Variants in TOX3 observed in about 807,000 individuals in gnomAD.
The protein encoded by TOX3 is CAG trinucleotide repeat-containing gene F9 protein.
TOX3 carries 22 observed loss-of-function variants against 64.3 expected under a neutral mutation model. The ratio of observed to expected loss-of-function variants is 0.34; its 90% CI spans 0.24 to 0.49. The LOEUF is 0.49. Ranked by LOEUF, TOX3 falls within the 20% of genes least tolerant of loss-of-function variation. The probability of loss-of-function intolerance (pLI) is 0.99; values close to 1 mark genes in which losing one functional copy is unlikely to be tolerated. For missense variants in TOX3, 661 were observed against 714.4 expected (o/e 0.93, Z 0.85); for synonymous variants, 291 against 273.6 (o/e 1.06, Z -0.63).
In TOX3 at chr16:52,450,490, C is replaced by T; in HGVS notation, c.465G>A (p.Arg155=). 6.2e-7 allele frequency: 1 copy of T among 1,614,006 alleles called. No individual in the cohort carries two copies. Among genetic ancestry groups the T allele is most frequent in the Non-Finnish European group, 8.5e-7 (1 of 1,179,886 alleles). ...CAGCATCGGTCATGTGGACGATGGACCGCATGATCAGGGAGGGATCCTGCC... is the reference window on the plus strand; with the variant it reads ...CAGCATCGGTCATGTGGACGATGGATCGCATGATCAGGGAGGGATCCTGCC... The part of the protein sequence containing the change: ...QYRQDPSLIM[R]SIVHMTDAAR... Residue 155 remains arginine, a synonymous_variant, in exon 4 of 7, where the codon CGG becomes CGA. Transcript: ENST00000219746.
At chr16:52,541,911 C>T (rs752226090) in intron 1 of TOX3, among the ~76,000 whole-genome samples, 1 of 152,066 alleles carries the variant, frequency 6.6e-6, no homozygotes, top group Non-Finnish European at 1.5e-5. Flanking sequence ...GGGCCCACAA[C>T]AATGTTTAAA....
At chr16:52,535,851 T>A (rs1364686969) in intron 1 of TOX3, among the ~76,000 whole-genome samples, 2 of 152,094 alleles carry the variant, frequency 1.3e-5, no homozygotes, top group African/African-American at 4.8e-5. Context: ...ACACATCAAA[T>A]ACTGATAAAA....
At chr16:52,451,790 C>A (rs914188949) in intron 3 of TOX3, among the ~76,000 whole-genome samples, 3 of 152,158 alleles carry the variant, frequency 2.0e-5, no homozygotes, top group East Asian at 3.8e-4. Context: ...TCTACCCATA[C>A]GTCAAAGTGT....
chr16:52,474,690 A>T (rs921491488), intron 1 of TOX3, among the ~76,000 whole-genome samples: 2 of 151,916 alleles, frequency 1.3e-5, no homozygotes, highest in Non-Finnish European at 2.9e-5. Context: ...AGAGGGACAG[A>T]GGAAAAGAAA....
chr16:52,482,402 C>T (rs2151449863), intron 1 of TOX3, among the ~76,000 whole-genome samples: 1 of 152,208 alleles, frequency 6.6e-6, no homozygotes, highest in Admixed American at 6.5e-5. Flanking sequence ...TTAAATTTTA[C>T]TCACTTCAGC....
intron 1 of TOX3, among the ~76,000 whole-genome samples, chr16:52,509,077 T>C (rs1360751692): frequency 6.6e-6 from 1 of 152,224 alleles, no homozygotes; most frequent in Non-Finnish European, 1.5e-5. Context: ...ACTTTGAGTG[T>C]CTTTCTTCTA....
Position 52,446,187 on chromosome 16 carries a change from C to A in TOX3, c.713G>T (p.Gly238Val). ...IGEKRAAPDS[G>V]KKPKTPKKKK... ...TTTCTTTGGAGTCTTGGGCTTCTTG[C>A]CAGAGTCTGGAGCAGCTCTTTTCTC... Residue 238 changes from glycine to valine, a missense_variant, in exon 5 of 7, where the codon GGC becomes GTC. Physicochemically the swap from Gly to Val is moderately radical, Grantham distance 109 (BLOSUM62 -3). This residue lies in a region of TOX3 where 103 missense variants were observed against 161.2 expected (regional missense o/e 0.64). Transcript: ENST00000219746. 6.2e-7 allele frequency: 1 copy of A among 1,613,784 alleles called. No individual in the cohort carries two copies. The highest frequency in any genetic ancestry group is 8.5e-7 in the Non-Finnish European group (1 of 1,179,822).
intron 1 of TOX3, among the ~76,000 whole-genome samples, chr16:52,501,754 G>A (rs1355017672): frequency 6.6e-6 from 1 of 151,856 alleles, no homozygotes; most frequent in South Asian, 2.1e-4. Flanking sequence ...GAGCTATGTG[G>A]ATTATACTAG....
At chr16:52,468,810 G>T (rs886685631) in intron 1 of TOX3, among the ~76,000 whole-genome samples, 1 of 152,184 alleles carries the variant, frequency 6.6e-6, no homozygotes, top group Non-Finnish European at 1.5e-5. Flanking sequence ...GACTAACTGT[G>T]AAGGGAAAGG....
chr16:52,491,892 C>T (rs1961696588), intron 1 of TOX3, among the ~76,000 whole-genome samples: 1 of 152,088 alleles, frequency 6.6e-6, no homozygotes, highest in South Asian at 2.1e-4. Flanking sequence ...TCTAATTTTT[C>T]TGATGGTTTC....
In TOX3 at chr16:52,505,889, T is replaced by C. The variant is rs550010487; in HGVS notation, c.88-37315A>G. On this transcript the variant is annotated intron_variant, in intron 1 of 6. Coordinates refer to ENST00000219746, the MANE Select transcript of TOX3 (RefSeq NM_001080430.4). The stretch of plus-strand genomic sequence containing the variant: ...TACCCAGGAGGCTGAGGTGGGAGGA[T>C]TGATTGAGCCCAAGAGATGGCGGCT... Among the ~76,000 whole-genome samples the C allele has an allele frequency of 2.6e-5, 4 of 152,262 alleles. No individual in the cohort carries two copies. The East Asian group carries it at 5.8e-4, about 22-fold the overall frequency.
intron 1 of TOX3, among the ~76,000 whole-genome samples, chr16:52,486,145 G>A (rs1309534252): frequency 1.3e-5 from 2 of 152,118 alleles, no homozygotes; most frequent in Non-Finnish European, 2.9e-5. Context: ...GAGGCCCCCC[G>A]TAGTGAGACT....
intron 1 of TOX3, among the ~76,000 whole-genome samples, chr16:52,473,857 T>C (rs777130872): frequency 3.9e-5 from 6 of 152,164 alleles, no homozygotes; most frequent in Admixed American, 1.3e-4. Context: ...TAGGAATCTA[T>C]ATATAATCAT....
intron 1 of TOX3, among the ~76,000 whole-genome samples, chr16:52,545,599 G>C (rs1963156852): frequency 6.6e-6 from 1 of 152,150 alleles, no homozygotes; most frequent in South Asian, 2.1e-4. Flanking sequence ...AACAAACTAC[G>C]ATTTGAAAGA....
chr16:52,520,387 C>T lies in TOX3; in HGVS notation c.87+26250G>A, dbSNP rs367637702. 1.1e-4 allele frequency among the ~76,000 whole-genome samples: 17 copies of T among 152,272 alleles called. No individual in the cohort carries two copies. In the South Asian group the frequency reaches 3.5e-3, roughly 32 times the overall value. On this transcript the variant is annotated intron_variant, in intron 1 of 6. Transcript: ENST00000219746. ...TTAACAAATATAGATGTAACCACTGCCAGCTGTTTACAACAAGCAAAAGCT... is the reference window on the plus strand; with the variant it reads ...TTAACAAATATAGATGTAACCACTGTCAGCTGTTTACAACAAGCAAAAGCT...
In TOX3 at chr16:52,439,443, G is replaced by A. The variant is rs1959869138; in HGVS notation, c.1513C>T (p.Gln505Ter). Reference protein sequence around the residue: ...QHLQQQINQQQLQQQLQQRLQ... With the variant: ...QHLQQQINQQ ...CGCTGCTGCAGCTGCTGCTGCAGCT[G>A]CTGTTGATTAATTTGCTGCTGGAGA... Residue 505 changes from glutamine (Q) to a stop codon, truncating the protein, a stop_gained, in exon 7 of 7, where the codon CAG (glutamine) becomes TAG (stop). Transcript: ENST00000219746. LOFTEE classifies it high-confidence loss of function. 1 of 1,521,200 alleles carries A rather than the reference G, an allele frequency of 6.6e-7. No homozygotes were observed. Among genetic ancestry groups the A allele is most frequent in the Non-Finnish European group, 8.9e-7 (1 of 1,117,774 alleles). 94.2% of individuals were successfully genotyped at this position (1,521,200 alleles called of 1,614,324 possible). A position where few individuals can be genotyped will look rare whatever the true frequency, so the allele number is the denominator to read the frequency against.
intron 1 of TOX3, among the ~76,000 whole-genome samples, chr16:52,519,867 T>G (rs1009180969): frequency 6.6e-6 from 1 of 151,130 alleles, no homozygotes; most frequent in African/African-American, 2.4e-5. Context: ...GAGGTTGAGG[T>G]GGGAGGATTG....
chr16:52,510,293 G>A (rs1596842612), intron 1 of TOX3, among the ~76,000 whole-genome samples: 1 of 152,116 alleles, frequency 6.6e-6, no homozygotes, highest in African/African-American at 2.4e-5. Context: ...AAGACATAAT[G>A]ATTAGAGAAA....
intron 1 of TOX3, among the ~76,000 whole-genome samples, chr16:52,477,619 T>C (rs1961246580): frequency 6.6e-6 from 1 of 152,144 alleles, no homozygotes; most frequent in South Asian, 2.1e-4. Context: ...AGGCAAGCTG[T>C]CTTACTTGCC....
Sources: allele counts gnomAD v4.1 joint callset (sites outside exome capture counted in the v4.1 genomes callset), GRCh38; gene constraint gnomAD v4.1.1; regional missense constraint gnomAD v4.1.1; transcripts MANE v1.5; gene names NCBI Gene and HGNC (gene_info 2026-07-23, HGNC 2026-07-21).